The following NPAS3 variants were observed in gnomAD, a reference collection of about 807,000 sequenced individuals.
The protein encoded by NPAS3 is neuronal PAS domain-containing protein 3.
NPAS3 carries 14 observed loss-of-function variants against 73.1 expected under a neutral mutation model. That is an observed-to-expected ratio of 0.19 (90% CI 0.13 to 0.30). The LOEUF is 0.30. Ranked by LOEUF, NPAS3 falls within the 10% of genes least tolerant of loss-of-function variation. The pLI is 1.00. For missense variants in NPAS3, 1,096 were observed against 1,250.0 expected, an observed-to-expected ratio of 0.88 and a Z score of 1.86; for synonymous variants, 620 against 541.5, an observed-to-expected ratio of 1.14 and a Z score of -2.01.
chr14:33,386,867 C>G (rs1230685163), intron 4 of NPAS3, among the ~76,000 whole-genome samples: 1 of 152,076 alleles, frequency 6.6e-6, no homozygotes, highest in East Asian at 1.9e-4. Context: ...TCCAATTTCT[C>G]TTTTGCAACT....
intron 10 of NPAS3, among the ~76,000 whole-genome samples, chr14:33,794,725 T>C (rs1055125987): frequency 2.6e-5 from 4 of 151,948 alleles, no homozygotes; most frequent in Non-Finnish European, 4.4e-5. Context: ...CTTCCTAAAT[T>C]CTGGTGTGAG....
chr14:33,643,375 T>TAGAAATAAAAATTA (rs2058729638), intron 5 of NPAS3, among the ~76,000 whole-genome samples: 1 of 94,666 alleles, frequency 1.1e-5, no homozygotes, highest in African/African-American at 4.0e-5. Context: ...AAATAAAAAT[T>TAGAAATAAAAATTA]AAAAAAAAAA....
intron 2 of NPAS3, among the ~76,000 whole-genome samples, chr14:33,162,685 G>C (rs776704613): frequency 3.3e-5 from 5 of 150,376 alleles, no homozygotes; most frequent in Non-Finnish European, 4.4e-5. Context: ...AAAAAAAAGT[G>C]GCCCAAGAGG....
chr14:32,998,785 T>C (rs980346285), intron 1 of NPAS3, among the ~76,000 whole-genome samples: 8 of 152,216 alleles, frequency 5.3e-5, no homozygotes, highest in Non-Finnish European at 1.2e-4. Flanking sequence ...CTTCCTGTCT[T>C]CTTTCTTGGT....
intron 3 of NPAS3, among the ~76,000 whole-genome samples, chr14:33,333,175 A>G (rs2044062552): frequency 6.6e-6 from 1 of 152,202 alleles, no homozygotes; most frequent in Non-Finnish European, 1.5e-5. Context: ...CACTATTTGA[A>G]GTGCAAACAG....
chr14:33,237,662 G>A (rs2048080266), intron 3 of NPAS3, among the ~76,000 whole-genome samples: 1 of 151,930 alleles, frequency 6.6e-6, no homozygotes, highest in South Asian at 2.1e-4. Context: ...TCAAAATGGA[G>A]GGTAGTATAT....
chr14:33,028,369 G>A (rs972080356), intron 1 of NPAS3, among the ~76,000 whole-genome samples: 14 of 152,170 alleles, frequency 9.2e-5, no homozygotes, highest in African/African-American at 3.4e-4. Context: ...TAAACTGATA[G>A]ATGGGTTTTG....
chr14:33,534,966 A>G (rs766075050), intron 4 of NPAS3, among the ~76,000 whole-genome samples: 1 of 152,200 alleles, frequency 6.6e-6, no homozygotes, highest in Non-Finnish European at 1.5e-5. Context: ...AATGCTCATC[A>G]TAAGAGGAAC....
chr14:33,509,381 GA>G (rs1239183807), intron 4 of NPAS3, among the ~76,000 whole-genome samples: 1 of 152,002 alleles, frequency 6.6e-6, no homozygotes, highest in Admixed American at 6.6e-5. Context: ...TTTTACAGAT[GA>G]AAAAGCTGAG....
chr14:32,969,766 A>C (rs562614158), intron 1 of NPAS3, among the ~76,000 whole-genome samples: 2 of 152,256 alleles, frequency 1.3e-5, no homozygotes, highest in South Asian at 4.1e-4. Flanking sequence ...ATGGAAAGTA[A>C]ATGATAGGTC....
intron 4 of NPAS3, among the ~76,000 whole-genome samples, chr14:33,525,919 G>A (rs1301323529): frequency 6.6e-6 from 1 of 151,964 alleles, no homozygotes; most frequent in Non-Finnish European, 1.5e-5. Context: ...AGGAAATGGG[G>A]AAATAAACCA....
chr14:33,674,703 A>G (rs1350407037), intron 5 of NPAS3, among the ~76,000 whole-genome samples: 1 of 152,232 alleles, frequency 6.6e-6, no homozygotes, highest in African/African-American at 2.4e-5. Flanking sequence ...ATTTAATAGC[A>G]AGAGAAAAAT....
At chr14:33,534,052 A>G (rs1027772469) in intron 4 of NPAS3, among the ~76,000 whole-genome samples, 1 of 152,148 alleles carries the variant, frequency 6.6e-6, no homozygotes, top group African/African-American at 2.4e-5. Flanking sequence ...AGACATCATG[A>G]CAAGAGTATT....
intron 5 of NPAS3, among the ~76,000 whole-genome samples, chr14:33,667,733 T>C (rs2059494190): frequency 6.6e-6 from 1 of 152,116 alleles, no homozygotes; most frequent in South Asian, 2.1e-4. Context: ...TTATACACCA[T>C]GGCCATGGTG....
In NPAS3 at chr14:33,012,038, A is replaced by G. The variant is rs1003581042; in HGVS notation, c.51-43867A>G. Among the ~76,000 whole-genome samples the G allele has an allele frequency of 8.6e-5, 13 of 151,786 alleles. No individual in the cohort carries two copies. The East Asian group carries it at 2.3e-3, about 27-fold the overall frequency. Reference sequence around the variant, plus strand: ...CACAGGAGCCCAGCATGTACAACAGATGGAAGTGGTGCTGCTCAGGTTGAG... The same window carrying G: ...CACAGGAGCCCAGCATGTACAACAGGTGGAAGTGGTGCTGCTCAGGTTGAG... On this transcript the variant is annotated intron_variant, in intron 1 of 11. Transcript: ENST00000356141.
chr14:33,113,312 C>G lies in NPAS3; in HGVS notation c.140+57318C>G, dbSNP rs970216833. Reference sequence around the variant, plus strand: ...TTCCTACCCATGAGCATGGAATGTTCTTCCATTTGTTTGTGTCCTCTTTTA... The same window carrying G: ...TTCCTACCCATGAGCATGGAATGTTGTTCCATTTGTTTGTGTCCTCTTTTA... On this transcript the variant is annotated intron_variant, in intron 2 of 11. Transcript: ENST00000356141. Among the ~76,000 whole-genome samples, 41 of 152,036 alleles carry G rather than the reference C, an allele frequency of 2.7e-4. 1 individual carries two copies. The highest frequency in any genetic ancestry group is 9.4e-4 in the African/African-American group (39 of 41,406).
chr14:33,052,798 G>C (rs1196496433), intron 1 of NPAS3, among the ~76,000 whole-genome samples: 1 of 151,928 alleles, frequency 6.6e-6, no homozygotes, highest in Non-Finnish European at 1.5e-5. Flanking sequence ...CTATAATTTT[G>C]AATTTCTTTG....
chr14:33,374,200 G>A (rs1274723274), intron 4 of NPAS3, among the ~76,000 whole-genome samples: 1 of 152,180 alleles, frequency 6.6e-6, no homozygotes, highest in Non-Finnish European at 1.5e-5. Flanking sequence ...TTTTGTTCAT[G>A]TGGTTTTTCA....
chr14:33,494,547 G>A (rs1361828805), intron 4 of NPAS3, among the ~76,000 whole-genome samples: 1 of 152,170 alleles, frequency 6.6e-6, no homozygotes, highest in Admixed American at 6.5e-5. Flanking sequence ...GACTAGTGAC[G>A]TTTCAGCTGG....
Sources: allele counts gnomAD v4.1 joint callset (sites outside exome capture counted in the v4.1 genomes callset), GRCh38; gene constraint gnomAD v4.1.1; transcripts MANE v1.5; gene names NCBI Gene and HGNC (gene_info 2026-07-23, HGNC 2026-07-21).